The following GPRIN3 variants were observed in gnomAD, a reference collection of about 807,000 sequenced individuals.
GPRIN3 encodes G protein-regulated inducer of neurite outgrowth 3.
A neutral mutation model predicts 13.7 loss-of-function variants in GPRIN3; 12 were observed. That is an observed-to-expected ratio of 0.87 (90% CI 0.56 to 1.42). The LOEUF is 1.42. Among genes scored for constraint, GPRIN3 ranks in the 40% most tolerant of loss-of-function variants. GPRIN3 has a pLI of 0.00. For synonymous variants in GPRIN3, 377 were observed against 372.7 expected, an observed-to-expected ratio of 1.01 and a Z score of -0.13; for missense variants, 1,009 against 958.7, an observed-to-expected ratio of 1.05 and a Z score of -0.69.
At chr4:89,280,279 G>A (rs1724211479) in intron 1 of GPRIN3, among the ~76,000 whole-genome samples, 1 of 151,910 alleles carries the variant, frequency 6.6e-6, no homozygotes, top group Non-Finnish European at 1.5e-5. Context: ...CTCTGCCTCC[G>A]ATCTGTACCT....
chr4:89,292,056 G>C (rs1000042991), intron 1 of GPRIN3, among the ~76,000 whole-genome samples: 1 of 152,002 alleles, frequency 6.6e-6, no homozygotes, highest in Non-Finnish European at 1.5e-5. Flanking sequence ...ATGAAGCTCT[G>C]CCACCCCATC....
intron 1 of GPRIN3, among the ~76,000 whole-genome samples, chr4:89,259,698 C>A (rs1578082515): frequency 6.6e-6 from 1 of 152,114 alleles, no homozygotes; most frequent in African/African-American, 2.4e-5. Flanking sequence ...CACACTGCCC[C>A]CCTCTACCAC....
chr4:89,261,888 G>A (rs1423003504), intron 1 of GPRIN3, among the ~76,000 whole-genome samples: 3 of 151,982 alleles, frequency 2.0e-5, no homozygotes, highest in African/African-American at 7.3e-5. Context: ...TAGGGGGGTG[G>A]ATAGCCTGAG....
rs1418169163 is a variant in GPRIN3, at chr4:89,236,844, C to T, written c.*10936G>A. ...AACTGTGCATGTATACATTATACCT[C>T]CTAAGGTTGAGACATAGATGGAAGT... On this transcript the variant is annotated 3_prime_UTR_variant, in exon 2 of 2. Transcript: ENST00000609438. 1 of 152,084 alleles carries T rather than the reference C, an allele frequency of 6.6e-6. No individual in the cohort carries two copies. The highest frequency in any genetic ancestry group is 1.9e-4 in the East Asian group (1 of 5,192). The allele number at this position is 152,084 out of a possible 1,614,324, so 9.4% of individuals were successfully genotyped here. A position where few individuals can be genotyped will look rare whatever the true frequency, so the allele number is the denominator to read the frequency against.
chr4:89,298,150 A>G (rs563000040), intron 1 of GPRIN3, among the ~76,000 whole-genome samples: 3 of 152,314 alleles, frequency 2.0e-5, no homozygotes, highest in East Asian at 3.9e-4. Context: ...AATTTCTCGT[A>G]GTACACATAC....
intron 1 of GPRIN3, among the ~76,000 whole-genome samples, chr4:89,289,351 C>A (rs1724509504): frequency 6.6e-6 from 1 of 151,934 alleles, no homozygotes; most frequent in Non-Finnish European, 1.5e-5. Flanking sequence ...ATCACTAATT[C>A]TGTTAATGGC....
At chr4:89,271,396 G>A (rs914414738) in intron 1 of GPRIN3, among the ~76,000 whole-genome samples, 3 of 151,864 alleles carry the variant, frequency 2.0e-5, no homozygotes, top group African/African-American at 7.3e-5. Context: ...CATCATCCAG[G>A]ACCCCCACTT....
chr4:89,293,693 C>G (rs1724653157), intron 1 of GPRIN3, among the ~76,000 whole-genome samples: 1 of 152,196 alleles, frequency 6.6e-6, no homozygotes, highest in Non-Finnish European at 1.5e-5. Context: ...CTCAGCTCTA[C>G]TTCAAATCTA....
intron 1 of GPRIN3, among the ~76,000 whole-genome samples, chr4:89,303,687 T>C (rs1441184332): frequency 1.3e-5 from 2 of 151,534 alleles, no homozygotes; most frequent in East Asian, 3.9e-4. Context: ...AAAAGATGTA[T>C]ACGTTATTTG....
intron 1 of GPRIN3, among the ~76,000 whole-genome samples, chr4:89,282,166 T>C (rs1161214457): frequency 6.6e-6 from 1 of 152,172 alleles, no homozygotes; most frequent in Non-Finnish European, 1.5e-5. Flanking sequence ...CATAAAAGAA[T>C]AGCCATTTCT....
chr4:89,257,660 T>A (rs576525273), intron 1 of GPRIN3, among the ~76,000 whole-genome samples: 2 of 152,220 alleles, frequency 1.3e-5, no homozygotes, highest in Non-Finnish European at 2.9e-5. Context: ...GAGTCCACAT[T>A]GTTAACCAGT....
chr4:89,258,437 C>T (rs1199862661), intron 1 of GPRIN3, among the ~76,000 whole-genome samples: 1 of 151,972 alleles, frequency 6.6e-6, no homozygotes, highest in Non-Finnish European at 1.5e-5. Context: ...GGATGGTCTC[C>T]ATCTCCTGAC....
At chr4:89,278,925 C>T (rs1269262503) in intron 1 of GPRIN3, among the ~76,000 whole-genome samples, 1 of 152,190 alleles carries the variant, frequency 6.6e-6, no homozygotes, top group East Asian at 1.9e-4. Flanking sequence ...TGGTAGAGGC[C>T]TGTCACTGGA....
chr4:89,285,439 C>T (rs757588107), intron 1 of GPRIN3, among the ~76,000 whole-genome samples: 3 of 152,048 alleles, frequency 2.0e-5, no homozygotes, highest in African/African-American at 4.8e-5. Context: ...TGGCCAGCCT[C>T]GCATCAATTA....
intron 1 of GPRIN3, among the ~76,000 whole-genome samples, chr4:89,300,797 A>G (rs1724874562): frequency 6.6e-6 from 1 of 152,030 alleles, no homozygotes; most frequent in Non-Finnish European, 1.5e-5. Context: ...AAGAACAATC[A>G]CCCATACCCA....
chr4:89,258,009 T>C (rs1390576465), intron 1 of GPRIN3, among the ~76,000 whole-genome samples: 1 of 151,720 alleles, frequency 6.6e-6, no homozygotes, highest in Non-Finnish European at 1.5e-5. Flanking sequence ...TTTTAGAAGG[T>C]TTACGCTCAG....
intron 1 of GPRIN3, among the ~76,000 whole-genome samples, chr4:89,255,005 G>A (rs1260937392): frequency 6.6e-6 from 1 of 152,202 alleles, no homozygotes; most frequent in Non-Finnish European, 1.5e-5. Flanking sequence ...CTCTCCAAGT[G>A]ACCAGGAGTC....
intron 1 of GPRIN3, among the ~76,000 whole-genome samples, chr4:89,256,278 A>T (rs1233844323): frequency 6.6e-6 from 1 of 152,126 alleles, no homozygotes; most frequent in Non-Finnish European, 1.5e-5. Context: ...TTTGCAAGTG[A>T]TTTGCAATCC....
chr4:89,258,853 C>T (rs1193903728), intron 1 of GPRIN3, among the ~76,000 whole-genome samples: 1 of 152,178 alleles, frequency 6.6e-6, no homozygotes, highest in African/African-American at 2.4e-5. Context: ...CATTAGTATC[C>T]TTTTCTCTAT....
Sources: allele counts gnomAD v4.1 joint callset (sites outside exome capture counted in the v4.1 genomes callset), GRCh38; gene constraint gnomAD v4.1.1; transcripts MANE v1.5; gene names NCBI Gene and HGNC (gene_info 2026-07-23, HGNC 2026-07-21).